The following MAD1L1 variants were observed in gnomAD, a reference collection of about 807,000 sequenced individuals.
MAD1L1 encodes the protein mitotic spindle assembly checkpoint protein MAD1.
Under a neutral mutation model 96.9 loss-of-function variants are expected in MAD1L1, and 95 were observed. The observed-to-expected ratio is 0.98, with a 90% CI of 0.83 to 1.16. MAD1L1 has a LOEUF of 1.16. MAD1L1 is among the 50% of genes most tolerant of loss of function. The pLI is 0.00. For synonymous variants in MAD1L1, 473 were observed against 396.6 expected (o/e 1.19, Z -2.29); for missense variants, 1,007 against 954.4 (o/e 1.06, Z -0.73).
At chr7:2,220,565 C>T (rs1793546967) in intron 5 of MAD1L1, among the ~76,000 whole-genome samples, 1 of 152,216 alleles carries the variant, frequency 6.6e-6, no homozygotes, top group African/African-American at 2.4e-5. Flanking sequence ...CAATGGCAAA[C>T]TCACACAGCA....
rs532412483 is a variant in MAD1L1 at position 1,912,545 on chromosome 7, G to A, written c.1808-14155C>T. 5.8e-3 allele frequency among the ~76,000 whole-genome samples: 885 copies of A among 152,220 alleles called. 7 individuals carry two copies. Among genetic ancestry groups the A allele is most frequent in the African/African-American group, 0.02 (824 of 41,536 alleles). The stretch of plus-strand genomic sequence containing the variant: ...CTCCTCCTGGCACAGGCAGGGCTGC[G>A]GTCCCTGCCGCCGATGCATCAGAGC... On this transcript the variant is annotated intron_variant, in intron 17 of 18. Transcript: ENST00000265854.
intron 15 of MAD1L1, among the ~76,000 whole-genome samples, chr7:1,979,514 G>A (rs1304984083): frequency 6.6e-6 from 1 of 152,258 alleles, no homozygotes; most frequent in Non-Finnish European, 1.5e-5. Context: ...CGCCAACACA[G>A]GCACCAAAGC....
At chr7:2,038,252 T>C (rs1174726313) in intron 12 of MAD1L1, among the ~76,000 whole-genome samples, 1 of 152,022 alleles carries the variant, frequency 6.6e-6, no homozygotes, top group Non-Finnish European at 1.5e-5. Context: ...GCAGTCCCCA[T>C]CACATAAAAG....
At chr7:1,841,379 C>T (rs1448526604) in intron 18 of MAD1L1, among the ~76,000 whole-genome samples, 1 of 152,110 alleles carries the variant, frequency 6.6e-6, no homozygotes, top group African/African-American at 2.4e-5. Flanking sequence ...ATTCACAGCC[C>T]GACAGCACAG....
chr7:2,033,030 C>T (rs1562623857), intron 12 of MAD1L1, among the ~76,000 whole-genome samples: 3 of 152,372 alleles, frequency 2.0e-5, no homozygotes, highest in South Asian at 2.1e-4. Flanking sequence ...GGTACAGCAG[C>T]GTGGGCTGAG....
At chr7:2,170,567 C>A (rs546778491) in intron 10 of MAD1L1, among the ~76,000 whole-genome samples, 2 of 152,278 alleles carry the variant, frequency 1.3e-5, no homozygotes, top group South Asian at 4.1e-4. Flanking sequence ...GTGACATCGG[C>A]AGGGACAGAC....
intron 15 of MAD1L1, among the ~76,000 whole-genome samples, chr7:1,960,020 G>C (rs1005086830): frequency 6.6e-6 from 1 of 152,114 alleles, no homozygotes; most frequent in African/African-American, 2.4e-5. Flanking sequence ...TAAAATGTAT[G>C]ACAACAGTAT....
chr7:2,016,351 G>A (rs1222594682), intron 12 of MAD1L1, among the ~76,000 whole-genome samples: 4 of 152,198 alleles, frequency 2.6e-5, no homozygotes, highest in South Asian at 2.1e-4. Context: ...CTGGCTGAAA[G>A]GGCAAATTCA....
chr7:2,098,342 CGGG>C (rs1444869118), intron 11 of MAD1L1, among the ~76,000 whole-genome samples: 1 of 152,192 alleles, frequency 6.6e-6, no homozygotes, highest in Non-Finnish European at 1.5e-5. Flanking sequence ...GCACACGCCA[CGGG>C]GACCCAGGTG....
At chr7:1,909,508 G>A (rs1363660064) in intron 17 of MAD1L1, among the ~76,000 whole-genome samples, 1 of 152,216 alleles carries the variant, frequency 6.6e-6, no homozygotes, top group Non-Finnish European at 1.5e-5. Flanking sequence ...CCGGGTCCTG[G>A]CTGGCTCTGC....
chr7:2,196,511 A>G lies in MAD1L1; in HGVS notation c.986+16701T>C, dbSNP rs865795139. Among the ~76,000 whole-genome samples the G allele has an allele frequency of 2.1e-4, 32 of 152,380 alleles. 2 individuals carry two copies. In the Middle Eastern group the frequency reaches 0.01, roughly 49 times the overall value. The stretch of plus-strand genomic sequence containing the variant: ...GGCACCCCTGTTGTTTTCATTGTTT[A>G]AAGCTGTCTGTGTGTGTGCACTACG... On this transcript the variant is annotated intron_variant, in intron 10 of 18. Transcript: ENST00000265854.
chr7:1,920,508 G>T (rs968502278), intron 17 of MAD1L1, among the ~76,000 whole-genome samples: 1 of 152,320 alleles, frequency 6.6e-6, no homozygotes, highest in African/African-American at 2.4e-5. Flanking sequence ...CCACGGGAGC[G>T]GGGGGAACCC....
chr7:1,831,908 G>A (rs949624302), intron 18 of MAD1L1, among the ~76,000 whole-genome samples: 1 of 152,196 alleles, frequency 6.6e-6, no homozygotes, highest in Non-Finnish European at 1.5e-5. Flanking sequence ...ATTGCTCACT[G>A]ACAATGCAAC....
intron 12 of MAD1L1, among the ~76,000 whole-genome samples, chr7:2,031,865 G>A (rs1219770259): frequency 1.3e-5 from 2 of 152,292 alleles, no homozygotes; most frequent in East Asian, 3.8e-4. Flanking sequence ...GTGGGAAACA[G>A]ACAGCACAGT....
chr7:2,138,085 G>C (rs1189117947), intron 11 of MAD1L1, among the ~76,000 whole-genome samples: 1 of 152,254 alleles, frequency 6.6e-6, no homozygotes, highest in Non-Finnish European at 1.5e-5. Flanking sequence ...CTTCACCAGG[G>C]CTGCACCCAC....
At chr7:2,153,366 C>T (rs751800373) in intron 10 of MAD1L1, among the ~76,000 whole-genome samples, 10 of 152,006 alleles carry the variant, frequency 6.6e-5, no homozygotes, top group Non-Finnish European at 1.0e-4. Flanking sequence ...AATAATCCCA[C>T]GAAAAAGTAG....
At chr7:2,121,399 T>C (rs1040577696) in intron 11 of MAD1L1, among the ~76,000 whole-genome samples, 6 of 152,068 alleles carry the variant, frequency 3.9e-5, no homozygotes, top group Non-Finnish European at 8.8e-5. Context: ...ACACACTCGG[T>C]CCAGCTGGAG....
chr7:1,992,821 A>AGGCAGGCGGCAGG (rs1316344209), intron 14 of MAD1L1, among the ~76,000 whole-genome samples: 2 of 152,084 alleles, frequency 1.3e-5, no homozygotes, highest in Non-Finnish European at 2.9e-5. Flanking sequence ...TACGTCAGGG[A>AGGCAGGCGGCAGG]GGCAGGCGGC....
At chr7:2,197,574 A>G (rs1792059052) in intron 10 of MAD1L1, among the ~76,000 whole-genome samples, 1 of 152,082 alleles carries the variant, frequency 6.6e-6, no homozygotes, top group South Asian at 2.1e-4. Context: ...GGACACAGGC[A>G]CGACCAGGAC....
Sources: gnomAD v4.1 joint callset for allele counts (sites outside exome capture counted in the v4.1 genomes callset) on GRCh38, gnomAD v4.1.1 for gene constraint, MANE v1.5 for transcripts, NCBI Gene and HGNC (gene_info 2026-07-23, HGNC 2026-07-21) for gene names.